TRIM9: variants seen among roughly 807,000 people sequenced by gnomAD.
TRIM9 encodes the protein E3 ubiquitin-protein ligase TRIM9.
A neutral mutation model predicts 78.3 loss-of-function variants in TRIM9; 26 were observed. The observed-to-expected ratio is 0.33, with a 90% CI of 0.24 to 0.46. The LOEUF (loss-of-function observed/expected upper bound fraction) is 0.46, where lower values mean the gene tolerates loss of function less well. Ranked by LOEUF, TRIM9 falls within the 20% of genes least tolerant of loss-of-function variation. The probability of loss-of-function intolerance (pLI) is 1.00; values close to 1 mark genes in which losing one functional copy is unlikely to be tolerated. For missense variants in TRIM9, 787 were observed against 1,036.4 expected, an observed-to-expected ratio of 0.76 and a Z score of 3.30; for synonymous variants, 398 against 416.5, an observed-to-expected ratio of 0.96 and a Z score of 0.54.
chr14:51,050,332 TA>T (rs1431121987), intron 1 of TRIM9, among the ~76,000 whole-genome samples: 2 of 152,126 alleles, frequency 1.3e-5, no homozygotes, highest in Non-Finnish European at 2.9e-5. Flanking sequence ...TGGTAGTGAG[TA>T]AGTCTCACGA....
At chr14:51,068,233 C>A (rs777777491) in intron 1 of TRIM9, among the ~76,000 whole-genome samples, 1 of 151,952 alleles carries the variant, frequency 6.6e-6, no homozygotes, top group Non-Finnish European at 1.5e-5. Flanking sequence ...ATGCCAGGAC[C>A]GTGGGGATGA....
intron 10 of TRIM9, chr14:50,982,592 G>A (rs116966185): frequency 2.1e-5 from 7 of 331,954 alleles, no homozygotes; most frequent in South Asian, 1.2e-4. Flanking sequence ...AGTCTTCCTC[G>A]GCTCTAGTGA....
At chr14:51,027,138 T>C (rs1462301781) in intron 1 of TRIM9, among the ~76,000 whole-genome samples, 1 of 31,500 alleles carries the variant, frequency 3.2e-5, no homozygotes, top group African/African-American at 2.3e-4. Flanking sequence ...TTAACTTTTT[T>C]TTTTTTTTTT....
chr14:51,055,572 A>G (rs2060831887), intron 1 of TRIM9, among the ~76,000 whole-genome samples: 1 of 152,226 alleles, frequency 6.6e-6, no homozygotes, highest in Non-Finnish European at 1.5e-5. Flanking sequence ...TTAGAGAGAA[A>G]CAAGTTTGCT....
intron 7 of TRIM9, among the ~76,000 whole-genome samples, chr14:50,994,303 A>G (rs1426383745): frequency 6.6e-6 from 1 of 152,234 alleles, no homozygotes; most frequent in Non-Finnish European, 1.5e-5. Flanking sequence ...ACTACTCAGG[A>G]GGCTGAGGTG....
At chr14:50,981,754 T>C (rs778689175) in intron 11 of TRIM9, 46 bp downstream of exon 11, 133 of 1,608,894 alleles carry the variant, frequency 8.3e-5, no homozygotes, top group Non-Finnish European at 1.1e-4. Flanking sequence ...TCACTCCTGA[T>C]CAGAAGCCAA....
At chr14:50,995,716 A>G (rs1236956876) in intron 7 of TRIM9, among the ~76,000 whole-genome samples, 10 of 152,170 alleles carry the variant, frequency 6.6e-5, no homozygotes, top group Non-Finnish European at 7.3e-5. Context: ...AAGGTGAAAG[A>G]TTTTGTTACA....
chr14:51,016,182 C>A (rs2057168352), intron 3 of TRIM9, among the ~76,000 whole-genome samples: 1 of 152,162 alleles, frequency 6.6e-6, no homozygotes, highest in South Asian at 2.1e-4. Flanking sequence ...ATACCTAATA[C>A]AATGTAAATA....
chr14:51,044,599 G>A (rs1427423857), intron 1 of TRIM9, among the ~76,000 whole-genome samples: 1 of 152,186 alleles, frequency 6.6e-6, no homozygotes, highest in Admixed American at 6.5e-5. Context: ...AGGCAACTTA[G>A]AGAATGGAAA....
At chr14:51,087,498 C>T (rs1415180187) in intron 1 of TRIM9, among the ~76,000 whole-genome samples, 1 of 152,042 alleles carries the variant, frequency 6.6e-6, no homozygotes, top group Non-Finnish European at 1.5e-5. Flanking sequence ...GATAGGGGCC[C>T]AGTTTAGGGT....
At chr14:50,979,198 G>T in intron 12 of TRIM9, 189 bp downstream of exon 12, 1 of 1,450,504 alleles carries the variant, frequency 6.9e-7, no homozygotes, top group Non-Finnish European at 9.1e-7. Flanking sequence ...GTATAAAGAA[G>T]GTGCTTATGC....
intron 1 of TRIM9, among the ~76,000 whole-genome samples, chr14:51,093,838 GA>G (rs1283741798): frequency 6.6e-6 from 1 of 152,242 alleles, no homozygotes; most frequent in Non-Finnish European, 1.5e-5. Flanking sequence ...ACCCGCCGCG[GA>G]AAGGGGGCGC....
chr14:51,010,620 G>A (rs2056448711), intron 3 of TRIM9, 126 bp from the exon 4 acceptor site: 1 of 677,602 alleles, frequency 1.5e-6, no homozygotes, highest in Non-Finnish European at 2.5e-6. Context: ...CTAAATTTAT[G>A]AGAATATTTT....
chr14:51,047,066 T>A (rs2060003306), intron 1 of TRIM9, among the ~76,000 whole-genome samples: 1 of 152,212 alleles, frequency 6.6e-6, no homozygotes, highest in Admixed American at 6.5e-5. Context: ...GTGTCATTTA[T>A]CTGCATAGTG....
At chr14:51,023,900 A>G (rs1041988231) in intron 2 of TRIM9, among the ~76,000 whole-genome samples, 4 of 152,260 alleles carry the variant, frequency 2.6e-5, no homozygotes, top group African/African-American at 9.6e-5. Flanking sequence ...AAATTTATTT[A>G]AGGCACAAAT....
At chr14:51,033,110 G>A (rs1293045604) in intron 1 of TRIM9, among the ~76,000 whole-genome samples, 2 of 152,136 alleles carry the variant, frequency 1.3e-5, no homozygotes, top group African/African-American at 2.4e-5. Context: ...ATTTATTTGA[G>A]ATGGTGTCTC....
At chr14:51,065,544 A>G (rs2061663048) in intron 1 of TRIM9, among the ~76,000 whole-genome samples, 1 of 152,210 alleles carries the variant, frequency 6.6e-6, no homozygotes, top group Non-Finnish European at 1.5e-5. Context: ...ACAAATCCTG[A>G]GCTAAGTGGA....
Position 51,089,607 on chromosome 14 carries a change from C to G in TRIM9, c.822+4511G>C, listed in dbSNP as rs184793604. ...ATTGGAGAATCTGAAAAAAACGGAGCCTTATCAGCTATTTCAGCTTACTTA... is the reference window on the plus strand; with the variant it reads ...ATTGGAGAATCTGAAAAAAACGGAGGCTTATCAGCTATTTCAGCTTACTTA... On this transcript the variant is annotated intron_variant, in intron 1 of 12. Coordinates refer to ENST00000684578, the MANE Select transcript of TRIM9 (RefSeq NM_001387360.1). Among the ~76,000 whole-genome samples the G allele has an allele frequency of 2.7e-3, 415 of 152,292 alleles. 1 individual carries two copies. The highest frequency in any genetic ancestry group is 8.0e-3 in the African/African-American group (333 of 41,570).
intron 7 of TRIM9, among the ~76,000 whole-genome samples, chr14:50,995,686 G>C (rs529851324): frequency 6.6e-6 from 1 of 152,198 alleles, no homozygotes; most frequent in Non-Finnish European, 1.5e-5. Flanking sequence ...TTTGAAAAGG[G>C]ATTAACTCTT....
Sources: allele counts gnomAD v4.1 joint callset (sites outside exome capture counted in the v4.1 genomes callset), GRCh38; gene constraint gnomAD v4.1.1; transcripts MANE v1.5; gene names NCBI Gene and HGNC (gene_info 2026-07-23, HGNC 2026-07-21).